Variants in PIGL observed in about 807,000 individuals in gnomAD.
The protein encoded by PIGL is phosphatidylinositol glycan anchor biosynthesis class L.
A neutral mutation model predicts 31.1 loss-of-function variants in PIGL; 22 were observed. The observed-to-expected ratio is 0.71, with a 90% CI of 0.51 to 1.01. PIGL has a LOEUF of 1.01. PIGL is among the 50% of genes least tolerant of loss of function. PIGL has a pLI of 0.00. For missense variants in PIGL, 302 were observed against 315.9 expected, an observed-to-expected ratio of 0.96 and a Z score of 0.33; for synonymous variants, 131 against 117.4, an observed-to-expected ratio of 1.12 and a Z score of -0.75.
chr17:16,291,165 G>A (rs1044469977), intron 2 of PIGL, among the ~76,000 whole-genome samples: 4 of 152,160 alleles, frequency 2.6e-5, no homozygotes, highest in Non-Finnish European at 5.9e-5. Flanking sequence ...AAGTCCATGT[G>A]TACTAAGTAA....
At chr17:16,293,469 A>G (rs2092969074) in intron 2 of PIGL, among the ~76,000 whole-genome samples, 1 of 152,216 alleles carries the variant, frequency 6.6e-6, no homozygotes, top group East Asian at 1.9e-4. Context: ...CGGAGGTTGC[A>G]GTGAGCCGAG....
chr17:16,304,821 A>G (rs1200757746), intron 3 of PIGL, among the ~76,000 whole-genome samples: 2 of 152,156 alleles, frequency 1.3e-5, no homozygotes, highest in African/African-American at 4.8e-5. Flanking sequence ...AGCCAGAAGC[A>G]CTTAGTCCCT....
At chr17:16,263,772 C>A (rs1265432878) in intron 2 of PIGL, among the ~76,000 whole-genome samples, 1 of 150,710 alleles carries the variant, frequency 6.6e-6, no homozygotes, top group Non-Finnish European at 1.5e-5. Context: ...CTGCCCATCT[C>A]GGCCTCCCAG....
intron 2 of PIGL, among the ~76,000 whole-genome samples, chr17:16,268,741 C>T (rs1355584357): frequency 6.6e-6 from 1 of 151,744 alleles, no homozygotes; most frequent in Non-Finnish European, 1.5e-5. Flanking sequence ...TGAGCCACTG[C>T]GCCTGGCGTT....
chr17:16,325,332 CAAAAAAAAAAAAAAAA>C (rs55958956), intron 6 of PIGL, among the ~76,000 whole-genome samples: 9 of 69,278 alleles, frequency 1.3e-4, no homozygotes, highest in African/African-American at 5.3e-4. Context: ...GCAACAGGCT[CAAAAAAAAAAAAAAAA>C]AAAAAAAAGA....
At chr17:16,275,746 G>C (rs947142246) in intron 2 of PIGL, among the ~76,000 whole-genome samples, 7 of 152,116 alleles carry the variant, frequency 4.6e-5, no homozygotes, top group Non-Finnish European at 7.4e-5. Context: ...TATGGAGGCT[G>C]GGTGCAGTGG....
At chr17:16,309,914 C>T (rs2093041717) in intron 3 of PIGL, among the ~76,000 whole-genome samples, 1 of 151,842 alleles carries the variant, frequency 6.6e-6, no homozygotes, top group South Asian at 2.1e-4. Context: ...CCTGTCTCTA[C>T]TGAAAATACA....
At chr17:16,286,402 C>T (rs1237638598) in intron 2 of PIGL, among the ~76,000 whole-genome samples, 1 of 152,136 alleles carries the variant, frequency 6.6e-6, no homozygotes, top group African/African-American at 2.4e-5. Flanking sequence ...CTCACCAGCA[C>T]CTGGTGACTG....
At chr17:16,225,489 C>T (rs1025859579) in intron 1 of PIGL, among the ~76,000 whole-genome samples, 3 of 148,748 alleles carry the variant, frequency 2.0e-5, no homozygotes, top group African/African-American at 7.5e-5. Context: ...CCTGGGTTCA[C>T]GCCATTCTCC....
At chr17:16,318,576 C>G (rs1052550451) in intron 6 of PIGL, among the ~76,000 whole-genome samples, 3 of 151,930 alleles carry the variant, frequency 2.0e-5, no homozygotes, top group Admixed American at 6.6e-5. Context: ...CAGCCCTACT[C>G]TTTATATATA....
In PIGL at chr17:16,264,893, C is replaced by T. The variant is rs886468477; in HGVS notation, c.335+30823C>T. On this transcript the variant is annotated intron_variant, in intron 2 of 6. Transcript: ENST00000225609. The stretch of plus-strand genomic sequence containing the variant: ...CCGCCCTCCTCTGCCTCCCAAAGTG[C>T]TGGGATTACAGGCGTGAGCCACCGC... Among the ~76,000 whole-genome samples the T allele has an allele frequency of 8.5e-5, 13 of 152,288 alleles. No homozygotes were observed. The East Asian group carries it at 2.1e-3, about 25-fold the overall frequency.
intron 2 of PIGL, among the ~76,000 whole-genome samples, chr17:16,260,627 GGTC>G (rs959550191): frequency 7.9e-5 from 12 of 152,146 alleles, no homozygotes; most frequent in African/African-American, 2.4e-5. Flanking sequence ...ACTCACTGCA[GGTC>G]TCTTCTCCTC....
chr17:16,303,125 A>G (rs1239123393), intron 3 of PIGL, among the ~76,000 whole-genome samples: 2 of 152,150 alleles, frequency 1.3e-5, no homozygotes, highest in African/African-American at 4.8e-5. Flanking sequence ...TGGGTCCCAG[A>G]AAAGTGATCT....
At chr17:16,298,376 G>C (rs1600839034) in intron 2 of PIGL, among the ~76,000 whole-genome samples, 1 of 152,072 alleles carries the variant, frequency 6.6e-6, no homozygotes, top group Non-Finnish European at 1.5e-5. Context: ...GACCCAAAGA[G>C]AGATAGGTAT....
chr17:16,311,668 A>C (rs2093051177), intron 3 of PIGL, among the ~76,000 whole-genome samples: 1 of 148,734 alleles, frequency 6.7e-6, no homozygotes, highest in African/African-American at 2.5e-5. Flanking sequence ...ACTCTTAACG[A>C]GCATGCTGCC....
intron 2 of PIGL, among the ~76,000 whole-genome samples, chr17:16,277,436 A>G (rs1258738349): frequency 6.6e-6 from 1 of 152,232 alleles, no homozygotes; most frequent in Non-Finnish European, 1.5e-5. Flanking sequence ...CAATTGTTAA[A>G]AGCTGTTAAT....
chr17:16,228,604 G>C (rs1486474684), intron 1 of PIGL, among the ~76,000 whole-genome samples: 1 of 151,076 alleles, frequency 6.6e-6, no homozygotes, highest in Non-Finnish European at 1.5e-5. Context: ...TAGCCAGGAT[G>C]GTCTCGATCT....
chr17:16,263,070 G>A (rs1042111456), intron 2 of PIGL, among the ~76,000 whole-genome samples: 2 of 130,960 alleles, frequency 1.5e-5, no homozygotes, highest in Non-Finnish European at 3.2e-5. Context: ...GGAAAAATGG[G>A]GTTTATTATA....
chr17:16,297,455 C>T (rs1002721639), intron 2 of PIGL, among the ~76,000 whole-genome samples: 9 of 152,302 alleles, frequency 5.9e-5, no homozygotes, highest in African/African-American at 1.4e-4. Context: ...TCCTTTCTCT[C>T]GTGTGCTAAA....
Sources: allele counts gnomAD v4.1 joint callset (sites outside exome capture counted in the v4.1 genomes callset), GRCh38; gene constraint gnomAD v4.1.1; transcripts MANE v1.5; gene names NCBI Gene and HGNC (gene_info 2026-07-23, HGNC 2026-07-21).